The following NCAM2 variants were observed in gnomAD, a reference collection of about 807,000 sequenced individuals.
The protein encoded by NCAM2 is N-CAM-2.
A neutral mutation model predicts 98.1 loss-of-function variants in NCAM2; 30 were observed. The ratio of observed to expected loss-of-function variants is 0.31; its 90% CI spans 0.23 to 0.41. The LOEUF (loss-of-function observed/expected upper bound fraction) is 0.41, where lower values mean the gene tolerates loss of function less well. NCAM2 is among the 10% of genes least tolerant of loss of function. The pLI, the probability that NCAM2 is intolerant of heterozygous loss-of-function variation, is 1.00. For missense variants in NCAM2, 867 were observed against 1,005.8 expected, an observed-to-expected ratio of 0.86 and a Z score of 1.87; for synonymous variants, 368 against 342.4, an observed-to-expected ratio of 1.07 and a Z score of -0.83.
chr21:21,235,709 G>A (rs2070792432), intron 1 of NCAM2, among the ~76,000 whole-genome samples: 1 of 151,856 alleles, frequency 6.6e-6, no homozygotes, highest in South Asian at 2.1e-4. Context: ...ACTTTATCTA[G>A]CACCTCAAAC....
intron 12 of NCAM2, among the ~76,000 whole-genome samples, chr21:21,441,930 G>A (rs1979342492): frequency 6.6e-6 from 1 of 152,120 alleles, no homozygotes; most frequent in South Asian, 2.1e-4. Flanking sequence ...ACATGACCTG[G>A]CAGTACTGAC....
At chr21:21,240,928 AATT>A (rs2071041029) in intron 1 of NCAM2, among the ~76,000 whole-genome samples, 1 of 152,148 alleles carries the variant, frequency 6.6e-6, no homozygotes, top group Non-Finnish European at 1.5e-5. Flanking sequence ...TAAATATTTC[AATT>A]ATTATTGTTG....
At chr21:21,085,305 C>G (rs2065886350) in intron 1 of NCAM2, among the ~76,000 whole-genome samples, 1 of 152,088 alleles carries the variant, frequency 6.6e-6, no homozygotes, top group African/African-American at 2.4e-5. Flanking sequence ...GGGTAAAGAG[C>G]TTAGTGCATG....
chr21:21,364,812 A>T lies in NCAM2; in HGVS notation c.1045-9051A>T, dbSNP rs537732721. 5.3e-5 allele frequency among the ~76,000 whole-genome samples: 8 copies of T among 152,266 alleles called. No individual in the cohort carries two copies. The South Asian group carries it at 1.7e-3, about 32-fold the overall frequency. ...AATGTGGTCACTAGATGTCACTGAC[A>T]TTAACTATGGAACTAGTGACAATTT... On this transcript the variant is annotated intron_variant, in intron 8 of 17. Transcript: ENST00000400546.
chr21:21,352,790 A>G (rs951374786), intron 8 of NCAM2, among the ~76,000 whole-genome samples: 2 of 149,008 alleles, frequency 1.3e-5, no homozygotes, highest in African/African-American at 2.5e-5. Flanking sequence ...CATGTACCCT[A>G]AAACTTAAAG....
At chr21:21,470,662 A>G (rs995380987) in intron 14 of NCAM2, among the ~76,000 whole-genome samples, 2 of 152,030 alleles carry the variant, frequency 1.3e-5, no homozygotes, top group Non-Finnish European at 2.9e-5. Context: ...CAATAAAAGT[A>G]TGTCCTTTTC....
intron 1 of NCAM2, among the ~76,000 whole-genome samples, chr21:21,252,236 T>C (rs947012634): frequency 6.6e-6 from 1 of 150,792 alleles, no homozygotes; most frequent in South Asian, 2.1e-4. Context: ...ATAGGAACCC[T>C]TTTACACTCT....
intron 1 of NCAM2, among the ~76,000 whole-genome samples, chr21:21,265,496 A>AAT (rs764897518): frequency 7.8e-4 from 111 of 142,184 alleles, no homozygotes; most frequent in Non-Finnish European, 1.2e-3. Context: ...ACACATATAT[A>AAT]ATATATGTGT....
chr21:21,056,490 C>CTCTGTGTG (rs1555877332), intron 1 of NCAM2, among the ~76,000 whole-genome samples: 1 of 138,352 alleles, frequency 7.2e-6, no homozygotes, highest in African/African-American at 2.7e-5. Flanking sequence ...AGAGATATGT[C>CTCTGTGTG]TGTGTGTGTG....
intron 15 of NCAM2, among the ~76,000 whole-genome samples, chr21:21,482,420 CTT>C (rs958532812): frequency 1.3e-5 from 2 of 151,878 alleles, no homozygotes; most frequent in African/African-American, 4.8e-5. Flanking sequence ...CATCTTAAGT[CTT>C]TTCATTTAAG....
intron 1 of NCAM2, among the ~76,000 whole-genome samples, chr21:21,087,626 G>A (rs2065930289): frequency 6.6e-6 from 1 of 152,262 alleles, no homozygotes; most frequent in South Asian, 2.1e-4. Flanking sequence ...TAATTTGAGT[G>A]TGCCATCTGT....
chr21:21,309,297 T>C (rs897019173), intron 5 of NCAM2, among the ~76,000 whole-genome samples: 1 of 152,202 alleles, frequency 6.6e-6, no homozygotes, highest in Non-Finnish European at 1.5e-5. Flanking sequence ...TTCTTTTCAA[T>C]ATTTTAGACC....
At chr21:21,299,640 T>C (rs986004421) in intron 5 of NCAM2, among the ~76,000 whole-genome samples, 1 of 147,780 alleles carries the variant, frequency 6.8e-6, no homozygotes, top group Non-Finnish European at 1.5e-5. Flanking sequence ...GCTATTTGTC[T>C]TATAAAACTT....
chr21:21,449,682 G>A (rs1238503070), intron 12 of NCAM2, among the ~76,000 whole-genome samples: 1 of 151,786 alleles, frequency 6.6e-6, no homozygotes, highest in Non-Finnish European at 1.5e-5. Flanking sequence ...ATCTATTATA[G>A]TATATAAATG....
chr21:21,536,887 T>G (rs1990011778), intron 17 of NCAM2, among the ~76,000 whole-genome samples: 2 of 152,202 alleles, frequency 1.3e-5, no homozygotes, highest in Middle Eastern at 3.4e-3. Flanking sequence ...AAAGTTGGTA[T>G]TGCTTCATAA....
intron 1 of NCAM2, among the ~76,000 whole-genome samples, chr21:21,064,759 A>G (rs1372077794): frequency 6.6e-6 from 1 of 152,216 alleles, no homozygotes; most frequent in Non-Finnish European, 1.5e-5. Context: ...TTAGCTTATT[A>G]TAACTGTTTA....
At chr21:21,408,889 G>A (rs1290538381) in intron 9 of NCAM2, among the ~76,000 whole-genome samples, 1 of 152,044 alleles carries the variant, frequency 6.6e-6, no homozygotes, top group Non-Finnish European at 1.5e-5. Context: ...ACTTCTAAAT[G>A]ATTACTTCTG....
At chr21:21,190,650 G>C (rs1283258922) in intron 1 of NCAM2, among the ~76,000 whole-genome samples, 1 of 152,162 alleles carries the variant, frequency 6.6e-6, no homozygotes, top group Non-Finnish European at 1.5e-5. Flanking sequence ...GTATATATTT[G>C]AGACAGCCTA....
intron 1 of NCAM2, among the ~76,000 whole-genome samples, chr21:21,265,089 TTA>T (rs1254220967): frequency 1.3e-5 from 1 of 77,502 alleles, no homozygotes; most frequent in Non-Finnish European, 2.3e-5. Context: ...CACACATATA[TTA>T]TATATACATA....
Sources: gnomAD v4.1 joint callset for allele counts (sites outside exome capture counted in the v4.1 genomes callset) on GRCh38, gnomAD v4.1.1 for gene constraint, MANE v1.5 for transcripts, NCBI Gene and HGNC (gene_info 2026-07-23, HGNC 2026-07-21) for gene names.